The following ARHGAP15 variants were observed in gnomAD, a reference collection of about 807,000 sequenced individuals.
The protein encoded by ARHGAP15 is Rho GTPase activating protein 15, also known as rho GTPase-activating protein 15.
ARHGAP15 carries 51 observed loss-of-function variants against 63.7 expected under a neutral mutation model. That is an observed-to-expected ratio of 0.80 (90% CI 0.64 to 1.01). ARHGAP15 has a LOEUF of 1.01. ARHGAP15 is among the 50% of genes least tolerant of loss of function. ARHGAP15 has a pLI of 0.00. For synonymous variants in ARHGAP15, 191 were observed against 193.8 expected (o/e 0.99, Z 0.12); for missense variants, 560 against 564.6 (o/e 0.99, Z 0.08).
chr2:143,573,253 A>C (rs924498300), intron 11 of ARHGAP15, among the ~76,000 whole-genome samples: 1 of 152,186 alleles, frequency 6.6e-6, no homozygotes, highest in Non-Finnish European at 1.5e-5. Flanking sequence ...AAATGGTTGA[A>C]ATAAGGTTTT....
chr2:143,766,701 G>A (rs1686957124), intron 13 of ARHGAP15: 1 of 152,220 alleles, frequency 6.6e-6, no homozygotes, highest in African/African-American at 2.4e-5. Context: ...CGCAGTGCAT[G>A]ATGAGTGCTG....
At chr2:143,276,262 A>G (rs539460468) in intron 6 of ARHGAP15, among the ~76,000 whole-genome samples, 1 of 152,056 alleles carries the variant, frequency 6.6e-6, no homozygotes, top group South Asian at 2.1e-4. Flanking sequence ...AAATCTCAGC[A>G]CTCTGTTAGA....
At chr2:143,278,538 A>T (rs1003887500) in intron 6 of ARHGAP15, among the ~76,000 whole-genome samples, 3 of 152,130 alleles carry the variant, frequency 2.0e-5, no homozygotes, top group African/African-American at 7.2e-5. Context: ...TTAGACACTG[A>T]CCTTGGGCAT....
intron 4 of ARHGAP15, among the ~76,000 whole-genome samples, chr2:143,224,380 C>T (rs1693122157): frequency 6.6e-6 from 1 of 152,022 alleles, no homozygotes; most frequent in South Asian, 2.1e-4. Flanking sequence ...TTTGAAAGGC[C>T]ATATACTCTT....
At chr2:143,623,834 T>A (rs1263265963) in intron 11 of ARHGAP15, among the ~76,000 whole-genome samples, 2 of 152,266 alleles carry the variant, frequency 1.3e-5, no homozygotes, top group African/African-American at 4.8e-5. Flanking sequence ...TGAGCTGTGA[T>A]GCTAATTTTC....
intron 13 of ARHGAP15, among the ~76,000 whole-genome samples, chr2:143,723,960 G>A (rs1488002140): frequency 6.6e-6 from 1 of 152,094 alleles, no homozygotes; most frequent in Non-Finnish European, 1.5e-5. Flanking sequence ...TTCAGTATGA[G>A]GTTCCACAGT....
chr2:143,433,015 G>A (rs1689455318), intron 6 of ARHGAP15, among the ~76,000 whole-genome samples: 1 of 151,986 alleles, frequency 6.6e-6, no homozygotes, highest in Non-Finnish European at 1.5e-5. Context: ...CTTTATGTCT[G>A]TTATACATCA....
intron 5 of ARHGAP15, among the ~76,000 whole-genome samples, chr2:143,230,884 A>G (rs1252763472): frequency 6.6e-6 from 1 of 152,170 alleles, no homozygotes; most frequent in Non-Finnish European, 1.5e-5. Context: ...GCTTCTGGAA[A>G]AAAGTCTGCC....
At chr2:143,746,107 T>C (rs1016268095) in intron 13 of ARHGAP15, among the ~76,000 whole-genome samples, 3 of 152,188 alleles carry the variant, frequency 2.0e-5, no homozygotes, top group African/African-American at 7.2e-5. Context: ...TTAGACATTC[T>C]CTTCTGTATA....
chr2:143,185,871 A>C (rs796871604), intron 2 of ARHGAP15, among the ~76,000 whole-genome samples: 2 of 152,158 alleles, frequency 1.3e-5, no homozygotes, highest in Non-Finnish European at 2.9e-5. Context: ...TCCAGCCTCC[A>C]TCTTAGTCCT....
chr2:143,413,801 C>T (rs1420394877), intron 6 of ARHGAP15, among the ~76,000 whole-genome samples: 1 of 152,026 alleles, frequency 6.6e-6, no homozygotes, highest in Non-Finnish European at 1.5e-5. Context: ...TGCAGAATGC[C>T]TCAGGAGAAG....
intron 9 of ARHGAP15, among the ~76,000 whole-genome samples, chr2:143,494,092 AT>A (rs1410126792): frequency 6.6e-6 from 1 of 151,982 alleles, no homozygotes; most frequent in Admixed American, 6.6e-5. Flanking sequence ...TTGGCCCTTA[AT>A]TTTAAGAATT....
intron 1 of ARHGAP15, among the ~76,000 whole-genome samples, chr2:143,132,022 A>T (rs888725393): frequency 6.6e-5 from 10 of 152,084 alleles, no homozygotes; most frequent in African/African-American, 2.4e-4. Context: ...ATTGCACTAC[A>T]TTTTCAGGCA....
intron 4 of ARHGAP15, among the ~76,000 whole-genome samples, chr2:143,217,795 A>C (rs542841404): frequency 6.6e-6 from 1 of 152,320 alleles, no homozygotes; most frequent in South Asian, 2.1e-4. Flanking sequence ...CATGTGGAAT[A>C]AAGAGTTTCT....
At chr2:143,548,086 C>A (rs983593744) in intron 10 of ARHGAP15, among the ~76,000 whole-genome samples, 14 of 152,048 alleles carry the variant, frequency 9.2e-5, no homozygotes, top group Admixed American at 5.9e-4. Flanking sequence ...ACCTGTCTTC[C>A]CTGGTGTCCA....
At chr2:143,612,653 C>T (rs1044016174) in intron 11 of ARHGAP15, among the ~76,000 whole-genome samples, 15 of 152,184 alleles carry the variant, frequency 9.9e-5, no homozygotes, top group African/African-American at 3.4e-4. Context: ...AAAGCAGGGA[C>T]AGGGCAGACC....
chr2:143,564,446 A>T (rs1696144863), intron 11 of ARHGAP15, among the ~76,000 whole-genome samples: 1 of 152,190 alleles, frequency 6.6e-6, no homozygotes. Context: ...CTCATTCATT[A>T]AAAAATCCAA....
chr2:143,248,049 C>T (rs1206728005), intron 5 of ARHGAP15, among the ~76,000 whole-genome samples: 2 of 152,134 alleles, frequency 1.3e-5, no homozygotes, highest in Admixed American at 6.5e-5. Context: ...GCAAACAAGG[C>T]CCTAGCTCAG....
chr2:143,201,651 T>A (rs1034030381), intron 2 of ARHGAP15, among the ~76,000 whole-genome samples: 1 of 152,204 alleles, frequency 6.6e-6, no homozygotes, highest in Non-Finnish European at 1.5e-5. Flanking sequence ...TGCTGGAACC[T>A]CAGCCTTTCT....
Sources: allele counts gnomAD v4.1 joint callset (sites outside exome capture counted in the v4.1 genomes callset), GRCh38; gene constraint gnomAD v4.1.1; transcripts MANE v1.5; gene names NCBI Gene and HGNC (gene_info 2026-07-23, HGNC 2026-07-21).